Variants in AATF observed in about 807,000 individuals in gnomAD.
AATF encodes protein AATF.
AATF carries 48 observed loss-of-function variants against 63.7 expected under a neutral mutation model. The ratio of observed to expected loss-of-function variants is 0.75; its 90% CI spans 0.60 to 0.96. AATF has a LOEUF of 0.96. Ranked by LOEUF, AATF falls within the 40% of genes least tolerant of loss-of-function variation. The probability of loss-of-function intolerance (pLI) is 0.00; values close to 1 mark genes in which losing one functional copy is unlikely to be tolerated. For missense variants in AATF, 639 were observed against 685.7 expected (o/e 0.93, Z 0.76); for synonymous variants, 258 against 247.7 (o/e 1.04, Z -0.39).
chr17:37,036,297 G>T (rs2071591676), intron 11 of AATF, among the ~76,000 whole-genome samples: 1 of 152,236 alleles, frequency 6.6e-6, no homozygotes, highest in Admixed American at 6.5e-5. Context: ...GGGGTGTCCA[G>T]TTGCGTATCC....
chr17:36,953,323 T>C (rs771047469), intron 3 of AATF, 27 bp downstream of exon 3: 1 of 1,590,960 alleles, frequency 6.3e-7, no homozygotes, highest in Non-Finnish European at 8.6e-7. Context: ...GCTGATTGCC[T>C]GTTTTTCAAA....
chr17:37,011,410 A>G (rs1481846386), intron 8 of AATF, among the ~76,000 whole-genome samples: 2 of 152,128 alleles, frequency 1.3e-5, no homozygotes, highest in African/African-American at 4.8e-5. Flanking sequence ...AATGAAGATG[A>G]TAGTAGCCTG....
intron 4 of AATF, among the ~76,000 whole-genome samples, chr17:36,960,973 C>T (rs2070942463): frequency 6.6e-6 from 1 of 152,096 alleles, no homozygotes; most frequent in Admixed American, 6.6e-5. Flanking sequence ...AGCTGTAATC[C>T]TACTGCCCAG....
intron 4 of AATF, among the ~76,000 whole-genome samples, chr17:36,975,236 C>G (rs1371807272): frequency 2.0e-5 from 3 of 151,980 alleles, no homozygotes; most frequent in Non-Finnish European, 4.4e-5. Flanking sequence ...TCAATGCCTG[C>G]AGGTCTTTTT....
chr17:36,949,348 C>T (rs1316412078), intron 1 of AATF, 132 bp downstream of exon 1: 15 of 853,156 alleles, frequency 1.8e-5, no homozygotes, highest in Middle Eastern at 7.2e-4. Context: ...GGAACGTCGC[C>T]TCCCGCGAGG....
intron 8 of AATF, among the ~76,000 whole-genome samples, chr17:37,001,443 G>T (rs1372729661): frequency 8.1e-6 from 1 of 123,656 alleles, no homozygotes; most frequent in Admixed American, 8.0e-5. Flanking sequence ...AAGGAAGGAA[G>T]GAAGGAAGGA....
In AATF at chr17:37,024,234, C is replaced by T. The variant is rs144749249; in HGVS notation, c.1547+3220C>T. Among the ~76,000 whole-genome samples, 241 of 152,288 alleles carry T rather than the reference C, an allele frequency of 1.6e-3. 1 individual carries two copies. In the Middle Eastern group the frequency reaches 0.017, roughly 11 times the overall value. ...AATCCTGCTCCACCCTTGAGGGATG[C>T]AGACTGCTCAGGAAGACTTGCACAA... On this transcript the variant is annotated intron_variant, in intron 10 of 11. Transcript: ENST00000619387.
At chr17:37,038,838 A>G (rs2071613687) in intron 11 of AATF, among the ~76,000 whole-genome samples, 1 of 152,226 alleles carries the variant, frequency 6.6e-6, no homozygotes, top group African/African-American at 2.4e-5. Flanking sequence ...ATAAGTACTG[A>G]GCACCAAATA....
chr17:37,014,857 G>A (rs2071417547), intron 8 of AATF, among the ~76,000 whole-genome samples: 1 of 152,062 alleles, frequency 6.6e-6, no homozygotes, highest in Non-Finnish European at 1.5e-5. Context: ...TTTTATATCA[G>A]AGATTTTCAT....
chr17:37,003,021 G>A (rs1379508998), intron 8 of AATF, among the ~76,000 whole-genome samples: 2 of 148,712 alleles, frequency 1.3e-5, no homozygotes, highest in South Asian at 4.2e-4. Context: ...CAAAGTTGGA[G>A]CATTCACACT....
intron 1 of AATF, among the ~76,000 whole-genome samples, chr17:36,949,679 A>T (rs183993528): frequency 6.6e-6 from 1 of 152,348 alleles, no homozygotes; most frequent in Non-Finnish European, 1.5e-5. Flanking sequence ...AAGTCTCAAG[A>T]CACTTGTTCA....
intron 4 of AATF, among the ~76,000 whole-genome samples, chr17:36,959,256 C>T (rs563538021): frequency 6.6e-6 from 1 of 152,310 alleles, no homozygotes; most frequent in South Asian, 2.1e-4. Flanking sequence ...CCAGCCTGGC[C>T]AACATAATGA....
At chr17:36,995,996 A>G (rs1445609288) in intron 8 of AATF, among the ~76,000 whole-genome samples, 1 of 152,160 alleles carries the variant, frequency 6.6e-6, no homozygotes, top group Non-Finnish European at 1.5e-5. Context: ...TCTTCTGTTC[A>G]GGGCAGTATT....
In AATF at chr17:36,986,724, G is replaced by A. The variant is rs780844009; in HGVS notation, c.940G>A (p.Ala314Thr). 2 of 1,612,996 alleles carry A rather than the reference G, an allele frequency of 1.2e-6. No homozygotes were observed. The highest frequency in any genetic ancestry group is 2.2e-5 in the South Asian group (2 of 91,054). ...RYLVDGTKPN[A>T]GSEEISSEDD... ...TCTAGTAGATGGGACAAAGCCCAAT[G>A]CGGGAAGGTAAGAGAACAGAATCAT... Residue 314 changes from alanine (A) to threonine (T), a missense_variant, in exon 5 of 12, where the codon GCG becomes ACG. Physicochemically the swap from Ala to Thr is moderately conservative, Grantham distance 58. Transcript: ENST00000619387.
At chr17:36,957,228 T>G (rs2070909147) in intron 4 of AATF, among the ~76,000 whole-genome samples, 2 of 152,258 alleles carry the variant, frequency 1.3e-5, no homozygotes, top group African/African-American at 4.8e-5. Context: ...TTGGGCAAGT[T>G]ACTTAACTTC....
At chr17:36,975,441 T>A (rs7212416) in intron 4 of AATF, among the ~76,000 whole-genome samples, 52,102 of 152,068 alleles carry the variant, frequency 0.34, 13,685 homozygotes, top group African/African-American at 0.74. Flanking sequence ...TCATATTCAC[T>A]TTACTTCGTT....
chr17:36,973,479 A>G (rs2071055627), intron 4 of AATF, among the ~76,000 whole-genome samples: 1 of 152,206 alleles, frequency 6.6e-6, no homozygotes, highest in Non-Finnish European at 1.5e-5. Flanking sequence ...GTATGAAGAA[A>G]CATAGATATG....
At chr17:37,040,276 G>A (rs996701706) in intron 11 of AATF, among the ~76,000 whole-genome samples, 14 of 152,254 alleles carry the variant, frequency 9.2e-5, no homozygotes, top group Admixed American at 5.9e-4. Flanking sequence ...GCCAACAGTC[G>A]ATTGCTGAGA....
intron 4 of AATF, among the ~76,000 whole-genome samples, chr17:36,962,334 A>C (rs1309230459): frequency 6.6e-6 from 1 of 152,222 alleles, no homozygotes; most frequent in African/African-American, 2.4e-5. Context: ...AAGCTGGATC[A>C]CAGAGCAAGA....
Sources: allele counts gnomAD v4.1 joint callset (sites outside exome capture counted in the v4.1 genomes callset), GRCh38; gene constraint gnomAD v4.1.1; transcripts MANE v1.5; gene names NCBI Gene and HGNC (gene_info 2026-07-23, HGNC 2026-07-21).